RBM11: variants seen among roughly 807,000 people sequenced by gnomAD.
RBM11 encodes the protein RNA binding motif protein 11, also known as splicing regulator RBM11.
Under a neutral mutation model 21.4 loss-of-function variants are expected in RBM11, and 18 were observed. The observed-to-expected ratio is 0.84, with a 90% CI of 0.58 to 1.25. The LOEUF (loss-of-function observed/expected upper bound fraction) is 1.25. Ranked by LOEUF, RBM11 falls within the 50% of genes most tolerant of loss-of-function variation. RBM11 has a pLI of 0.00. For synonymous variants in RBM11, 120 were observed against 116.3 expected (o/e 1.03, Z -0.20); for missense variants, 294 against 331.9 (o/e 0.89, Z 0.89).
intron 4 of RBM11, 138 bp from the exon 5 acceptor site, chr21:14,226,742 T>A: frequency 8.6e-7 from 1 of 1,168,870 alleles, no homozygotes; most frequent in Non-Finnish European, 1.2e-6. Flanking sequence ...ACCTTTCTAC[T>A]ATGAGAGGTC....
chr21:14,221,023 C>G, intron 2 of RBM11, 74 bp from the exon 3 acceptor site: 1 of 1,412,532 alleles, frequency 7.1e-7, no homozygotes. Flanking sequence ...TATTTTGAGT[C>G]ATTTTATGGT....
intron 2 of RBM11, among the ~76,000 whole-genome samples, chr21:14,220,198 A>G: frequency 6.6e-6 from 1 of 152,180 alleles, no homozygotes; most frequent in East Asian, 1.9e-4. Context: ...CTGTAAGAGC[A>G]AAGTGGTGAA....
intron 3 of RBM11, 180 bp from the exon 4 acceptor site, chr21:14,224,258 C>T: frequency 1.1e-6 from 1 of 901,594 alleles, no homozygotes; most frequent in Non-Finnish European, 1.6e-6. Flanking sequence ...GGATTTAGGA[C>T]TTTAACAGCT....
At position 14,227,420 on chromosome 21, in the gene RBM11, A is replaced by G. The variant is rs1402439396; in HGVS notation, c.*127A>G. 2 of 1,066,236 alleles carry G rather than the reference A, an allele frequency of 1.9e-6. No homozygotes were observed. The highest frequency in any genetic ancestry group is 1.6e-5 in the African/African-American group (1 of 62,344). The allele number at this position is 1,066,236 out of a possible 1,614,324, so 66.0% of individuals were successfully genotyped here. On this transcript the variant is annotated 3_prime_UTR_variant, in exon 5 of 5. Coordinates refer to ENST00000400577, the MANE Select transcript of RBM11 (RefSeq NM_144770.5). ...TTTGAAATATGTAGTAATAAGACTT[A>G]TCTCTGGTTTGCTGTTCAATTTTTG...
At chr21:14,221,253 T>G (rs1978641430) in intron 3 of RBM11, 84 bp downstream of exon 3, 2 of 1,396,800 alleles carry the variant, frequency 1.4e-6, no homozygotes, top group Non-Finnish European at 1.9e-6. Context: ...TGGGCTATTG[T>G]AAAACCTTAC....
chr21:14,216,298 A>G lies in RBM11; in HGVS notation c.96+16A>G, dbSNP rs1296863009. The G allele has an allele frequency of 7.5e-6, 12 of 1,609,906 alleles. No individual in the cohort carries two copies. The highest frequency in any genetic ancestry group is 1.0e-5 in the Non-Finnish European group (12 of 1,177,560). On this transcript the variant is annotated intron_variant, in intron 1 of 4. Coordinates refer to ENST00000400577, the MANE Select transcript of RBM11 (RefSeq NM_144770.5). ...GTTCCTTCAGGTACCGTCTCTGGGAAGGGGCGGCGGAGGGGCGGAGCACGT... is the reference window on the plus strand; with the variant it reads ...GTTCCTTCAGGTACCGTCTCTGGGAGGGGGCGGCGGAGGGGCGGAGCACGT...
intron 4 of RBM11, among the ~76,000 whole-genome samples, chr21:14,226,161 A>G (rs1262638706): frequency 6.6e-6 from 1 of 152,180 alleles, no homozygotes; most frequent in East Asian, 1.9e-4. Context: ...AATACACCTC[A>G]TATTTTGAAG....
At chr21:14,225,361 A>G (rs1300698312) in intron 4 of RBM11, among the ~76,000 whole-genome samples, 4 of 152,200 alleles carry the variant, frequency 2.6e-5, no homozygotes, top group South Asian at 4.1e-4. Context: ...AATTATTTCC[A>G]GAGACTACCA....
chr21:14,226,445 G>A (rs976896970), intron 4 of RBM11, among the ~76,000 whole-genome samples: 7 of 151,566 alleles, frequency 4.6e-5, no homozygotes, highest in Non-Finnish European at 1.0e-4. Context: ...ATGGTGAAAC[G>A]CTGTCTCTAC....
rs1600968824 is a variant in RBM11, at chr21:14,227,037, C to G, written c.590C>G (p.Ser197Cys). Residue 197 changes from serine to cysteine, a missense_variant, in exon 5 of 5, where the codon TCT becomes TGT. This residue lies in a region of RBM11 where 113 missense variants were observed against 167.3 expected (regional missense o/e 0.68). Coordinates refer to ENST00000400577, the MANE Select transcript of RBM11 (RefSeq NM_144770.5). The stretch of plus-strand genomic sequence containing the variant: ...TGGACTCACCAACAACCAAGTGACT[C>G]TGACCTTTATCAGATGACAGCTCCA... ...YKWTHQQPSD[S>C]DLYQMTAPLP... The G allele has an allele frequency of 6.2e-7, 1 of 1,613,482 alleles. No individual in the cohort carries two copies. The highest frequency in any genetic ancestry group is 1.3e-5 in the African/African-American group (1 of 74,824).
chr21:14,222,336 T>C (rs1978746227), intron 3 of RBM11, among the ~76,000 whole-genome samples: 1 of 152,178 alleles, frequency 6.6e-6, no homozygotes, highest in African/African-American at 2.4e-5. Flanking sequence ...AGTATAGCTC[T>C]ACTAGCTACA....
intron 2 of RBM11, 38 bp from the exon 3 acceptor site, chr21:14,221,059 G>A: frequency 3.3e-6 from 5 of 1,509,208 alleles, no homozygotes; most frequent in African/African-American, 1.4e-5. Context: ...AAAAAAAAAT[G>A]TACCATGAAG....
chr21:14,218,879 A>G (rs1978425785), intron 1 of RBM11, among the ~76,000 whole-genome samples: 2 of 152,094 alleles, frequency 1.3e-5, no homozygotes, highest in Admixed American at 1.3e-4. Context: ...AGGTTTTTCT[A>G]TCAATATAAT....
In RBM11 at chr21:14,216,275, TC is replaced by T. The variant is rs2020440397; in HGVS notation, c.91del (p.Leu31PhefsTer6). ...CGGGAAGAGATTCTGTACGAGCTGTTCCTTCAGGTACCGTCTCTGGGAAGGG... is the reference window on the plus strand; with the variant it reads ...CGGGAAGAGATTCTGTACGAGCTGTTCTTCAGGTACCGTCTCTGGGAAGGG... ...RVREEILYEL[F>X]LQAGPLTKVT... On this transcript the variant is annotated frameshift_variant, in exon 1 of 5. Coordinates refer to ENST00000400577, the MANE Select transcript of RBM11 (RefSeq NM_144770.5). LOFTEE classifies it high-confidence loss of function. 4 of 1,613,382 alleles carry T rather than the reference TC, an allele frequency of 2.5e-6. No homozygotes were observed. The South Asian group carries it at 4.4e-5, about 18-fold the overall frequency.
chr21:14,223,438 A>G lies in RBM11; in HGVS notation c.333-1000A>G, dbSNP rs373538570. Reference sequence around the variant, plus strand: ...GTACCGCAAACAGAGTACTTAAGCAATAGCTATTCATTGTCTCATAGTTCT... The same window carrying G: ...GTACCGCAAACAGAGTACTTAAGCAGTAGCTATTCATTGTCTCATAGTTCT... On this transcript the variant is annotated intron_variant, in intron 3 of 4. Coordinates refer to ENST00000400577, the MANE Select transcript of RBM11 (RefSeq NM_144770.5). Among the ~76,000 whole-genome samples the G allele has an allele frequency of 5.9e-5, 9 of 152,332 alleles. No homozygotes were observed. In the South Asian group the frequency reaches 1.7e-3, roughly 28 times the overall value.
At position 14,228,055 on chromosome 21, in the gene RBM11, A is replaced by C. The variant is rs1979258201; in HGVS notation, c.*762A>C. The stretch of plus-strand genomic sequence containing the variant: ...GCTATATTAACATTTAAATCATGAA[A>C]ATGAGCAAGTAAATAGAATAATATT... On this transcript the variant is annotated 3_prime_UTR_variant, in exon 5 of 5. Transcript: ENST00000400577. The C allele has an allele frequency of 6.6e-6, 1 of 152,228 alleles. No homozygotes were observed. Among genetic ancestry groups the C allele is most frequent in the Non-Finnish European group, 1.5e-5 (1 of 68,040 alleles). 9.4% of individuals were successfully genotyped at this position (152,228 alleles called of 1,614,324 possible).
At chr21:14,221,037 A>C (rs181838966) in intron 2 of RBM11, 60 bp from the exon 3 acceptor site, 107 of 1,479,158 alleles carry the variant, frequency 7.2e-5, no homozygotes, top group Middle Eastern at 1.8e-4. Flanking sequence ...TTATGGTTTA[A>C]TATTACAACT....
rs905399723 is a variant in RBM11 at position 14,227,860 on chromosome 21, C to T, written c.*567C>T. On this transcript the variant is annotated 3_prime_UTR_variant, in exon 5 of 5. Coordinates refer to ENST00000400577, the MANE Select transcript of RBM11 (RefSeq NM_144770.5). ...AAAGTGAGGACATATGATAATGATA[C>T]CAAAGGAAAGATAATTATCATGAAA... The T allele has an allele frequency of 1.3e-5, 2 of 152,278 alleles. No homozygotes were observed. The highest frequency in any genetic ancestry group is 4.8e-5 in the African/African-American group (2 of 41,420). 9.4% of individuals were successfully genotyped at this position (152,278 alleles called of 1,614,324 possible). A position where few individuals can be genotyped will look rare whatever the true frequency, so the allele number is the denominator to read the frequency against.
chr21:14,226,619 C>CAA (rs59480179), intron 4 of RBM11, among the ~76,000 whole-genome samples: 202 of 131,730 alleles, frequency 1.5e-3, no homozygotes, highest in Non-Finnish European at 2.2e-3. Context: ...GACCCTGTCT[C>CAA]AAAAAAAAAA....
Sources: gnomAD v4.1 joint callset for allele counts (sites outside exome capture counted in the v4.1 genomes callset) on GRCh38, gnomAD v4.1.1 for gene constraint, gnomAD v4.1.1 regional missense constraint, MANE v1.5 for transcripts, NCBI Gene and HGNC (gene_info 2026-07-23, HGNC 2026-07-21) for gene names.